NCOR2: variants seen among roughly 807,000 people sequenced by gnomAD.
NCOR2 encodes the protein nuclear receptor corepressor 2, also known as CTG repeat protein 26.
NCOR2 carries 81 observed loss-of-function variants against 262.9 expected under a neutral mutation model. The observed-to-expected ratio is 0.31, with a 90% CI of 0.26 to 0.37. The LOEUF is 0.37. Among genes scored for constraint, NCOR2 ranks in the 10% least tolerant of loss-of-function variants. NCOR2 has a pLI of 1.00. For synonymous variants in NCOR2, 1,659 were observed against 1,559.3 expected, an observed-to-expected ratio of 1.06 and a Z score of -1.51; for missense variants, 3,385 against 3,621.4, an observed-to-expected ratio of 0.93 and a Z score of 1.68.
At chr12:124,557,664 G>A (rs2051926963) in intron 1 of NCOR2, among the ~76,000 whole-genome samples, 1 of 152,234 alleles carries the variant, frequency 6.6e-6, no homozygotes, top group South Asian at 2.1e-4. Flanking sequence ...GCCTAGGCCA[G>A]GGGATGATAG....
chr12:124,337,796 C>T (rs560106681), intron 37 of NCOR2, among the ~76,000 whole-genome samples: 1 of 142,880 alleles, frequency 7.0e-6, no homozygotes, highest in South Asian at 2.2e-4. Flanking sequence ...TGCCCCTGCA[C>T]AGGGCTGGGG....
At chr12:124,369,520 C>G (rs1484469242) in intron 20 of NCOR2, among the ~76,000 whole-genome samples, 4 of 152,016 alleles carry the variant, frequency 2.6e-5, no homozygotes, top group Non-Finnish European at 5.9e-5. Context: ...CTGCCAGGGC[C>G]TACTCTGACG....
chr12:124,342,049 G>A (rs2036497310), exon 34 of NCOR2: 1 of 1,611,610 alleles, frequency 6.2e-7, no homozygotes, highest in Non-Finnish European at 8.5e-7. Flanking sequence ...TGGGGGCCAG[G>A]TGTCGGGGCA....
At chr12:124,404,266 A>T (rs1231368059) in intron 13 of NCOR2, among the ~76,000 whole-genome samples, 1 of 152,186 alleles carries the variant, frequency 6.6e-6, no homozygotes, top group Non-Finnish European at 1.5e-5. Context: ...GCTGCCCGGC[A>T]TGGATGCCGT....
intron 1 of NCOR2, among the ~76,000 whole-genome samples, chr12:124,501,064 A>ACGCACG (rs770038837): frequency 3.8e-4 from 5 of 13,030 alleles, no homozygotes; most frequent in Admixed American, 1.7e-3. Context: ...GCACGCGCGC[A>ACGCACG]CACACACACA....
At chr12:124,478,291 T>C (rs116107253) in intron 3 of NCOR2, among the ~76,000 whole-genome samples, 4,197 of 152,332 alleles carry the variant, frequency 0.028, 116 homozygotes, top group African/African-American at 0.071. Flanking sequence ...TTCAGTTATG[T>C]GAGCCAGAAT....
chr12:124,356,393 C>T (rs1436419223), intron 23 of NCOR2, among the ~76,000 whole-genome samples: 1 of 152,248 alleles, frequency 6.6e-6, no homozygotes, highest in Non-Finnish European at 1.5e-5. Flanking sequence ...ACATAGCTCC[C>T]ACTCTAAGCC....
intron 27 of NCOR2, among the ~76,000 whole-genome samples, chr12:124,351,179 C>A (rs2037423728): frequency 6.6e-6 from 1 of 152,170 alleles, no homozygotes; most frequent in South Asian, 2.1e-4. Flanking sequence ...TACTCAGAGC[C>A]TTGACATTCA....
chr12:124,364,357 C>T (rs571008117), intron 20 of NCOR2, among the ~76,000 whole-genome samples: 3 of 152,324 alleles, frequency 2.0e-5, no homozygotes, highest in Non-Finnish European at 2.9e-5. Context: ...GAATGAGCTC[C>T]GGTTACCAGA....
chr12:124,347,261 G>A (rs1449709530), intron 30 of NCOR2: 2 of 180,558 alleles, frequency 1.1e-5, no homozygotes, highest in East Asian at 1.6e-4. Flanking sequence ...CCAGCTACTT[G>A]GGAGGCTGAA....
At chr12:124,461,526 A>G (rs952929673) in intron 5 of NCOR2, among the ~76,000 whole-genome samples, 2 of 152,256 alleles carry the variant, frequency 1.3e-5, no homozygotes, top group Admixed American at 1.3e-4. Flanking sequence ...TCACCTATGC[A>G]GACGGGTCCA....
At chr12:124,387,388 G>C (rs191436191) in intron 16 of NCOR2, among the ~76,000 whole-genome samples, 3 of 152,210 alleles carry the variant, frequency 2.0e-5, no homozygotes. Flanking sequence ...ACTTGGTTCC[G>C]TCTCATCCTT....
intron 1 of NCOR2, among the ~76,000 whole-genome samples, chr12:124,521,451 C>T (rs2050180709): frequency 6.6e-6 from 1 of 152,206 alleles, no homozygotes; most frequent in African/African-American, 2.4e-5. Context: ...GAATGAAGGA[C>T]TCACACCATT....
At chr12:124,429,063 A>G (rs2043760523) in intron 10 of NCOR2, among the ~76,000 whole-genome samples, 1 of 152,206 alleles carries the variant, frequency 6.6e-6, no homozygotes, top group African/African-American at 2.4e-5. Flanking sequence ...CTGGCACCCC[A>G]AAGAGGCCTG....
Position 124,327,716 on chromosome 12 carries a change from A to G in NCOR2, c.6959-83T>C. On this transcript the variant is annotated intron_variant, in intron 44 of 46. Coordinates refer to ENST00000405201, the Ensembl canonical transcript of NCOR2. ...GAGGGGCGACAGAGAGAGAGAAGGG[A>G]GAGAGAGAGGGAAGGAGGAGGAGGA... is the stretch of plus-strand genomic sequence containing the variant. 2.1e-6 allele frequency: 2 copies of G among 956,854 alleles called. 1 individual carries two copies. Among genetic ancestry groups the G allele is most frequent in the South Asian group, 3.0e-5 (2 of 65,834 alleles). 59.3% of individuals were successfully genotyped at this position (956,854 alleles called of 1,614,324 possible). A position where few individuals can be genotyped will look rare whatever the true frequency, so the allele number is the denominator to read the frequency against.
chr12:124,382,225 T>TCA (rs2040463810), intron 17 of NCOR2, among the ~76,000 whole-genome samples: 1 of 152,216 alleles, frequency 6.6e-6, no homozygotes, highest in South Asian at 2.1e-4. Context: ...TGGTGAGACC[T>TCA]GCTTGCTTAC....
exon 43 of NCOR2, chr12:124,332,328 G>A (rs377394425): frequency 1.2e-6 from 2 of 1,614,152 alleles, no homozygotes; most frequent in South Asian, 1.1e-5. Flanking sequence ...CTGTATTCAG[G>A]CTCATTCCGG....
rs376507495 is a variant in NCOR2, at chr12:124,331,981, G to A, written c.6904+338C>T. 82 of 315,956 alleles carry A rather than the reference G, an allele frequency of 2.6e-4. No individual in the cohort carries two copies. The East Asian group carries it at 5.1e-3, about 19-fold the overall frequency. 19.6% of individuals were successfully genotyped at this position (315,956 alleles called of 1,614,324 possible). ...CAGCAACCACGTCAATGGGTGCAAA[G>A]CCACACAGGTGCTGAGTGTGGGAGG... On this transcript the variant is annotated intron_variant, in intron 43 of 46. Coordinates refer to ENST00000405201, the Ensembl canonical transcript of NCOR2.
intron 19 of NCOR2, among the ~76,000 whole-genome samples, chr12:124,373,737 C>T (rs111406099): frequency 1.5e-4 from 7 of 46,860 alleles, no homozygotes; most frequent in East Asian, 3.4e-3. Context: ...GCAGGGGCCC[C>T]GGGCACAGTG....
Sources: allele counts gnomAD v4.1 joint callset (sites outside exome capture counted in the v4.1 genomes callset), GRCh38; gene constraint gnomAD v4.1.1; transcripts MANE v1.5; gene names NCBI Gene and HGNC (gene_info 2026-07-23, HGNC 2026-07-21).